The following CHEK1 variants were observed in gnomAD, a reference collection of about 807,000 sequenced individuals.
The protein encoded by CHEK1 is serine/threonine-protein kinase Chk1.
In CHEK1, 32 loss-of-function variants were observed where a neutral mutation model predicts 60.2. The ratio of observed to expected loss-of-function variants is 0.53; its 90% confidence interval spans 0.40 to 0.71. The LOEUF is 0.71. Among genes scored for constraint, CHEK1 ranks in the 30% least tolerant of loss-of-function variants. CHEK1 has a pLI of 0.00. For missense variants in CHEK1, 399 were observed against 564.6 expected (o/e 0.71, Z 2.97); for synonymous variants, 179 against 187.2 (o/e 0.96, Z 0.36).
In CHEK1 at chr11:125,644,654, T is replaced by C. The variant is rs551330465; in HGVS notation, c.1233+11T>C. 3.3e-5 allele frequency: 53 copies of C among 1,609,838 alleles called. No individual in the cohort carries two copies. Among genetic ancestry groups the C allele is most frequent in the Non-Finnish European group, 4.3e-5 (51 of 1,178,530 alleles). On this transcript the variant is annotated intron_variant, in intron 11 of 12. Transcript: ENST00000438015. ...AGTTGTATGAATCAGGTGTGTTTCA[T>C]TGATTTTCATTATACCTTTTCCTGA...
chr11:125,678,419 C>G, downstream of CHEK1: 6 of 1,138,132 alleles, frequency 5.3e-6, no homozygotes, highest in South Asian at 7.9e-5. Context: ...CTAGATTGGG[C>G]ACCTGAAGAC....
intron 5 of CHEK1, among the ~76,000 whole-genome samples, 168 bp from the exon 6 acceptor site, chr11:125,632,995 T>A (rs1940924353): frequency 6.6e-6 from 1 of 152,170 alleles, no homozygotes. Context: ...AGATGATGAT[T>A]TATTTTATTT....
At chr11:125,679,212 C>CTTTTTTTTTTTTTTTTTTTTT (rs1337479067), downstream of CHEK1, among the ~76,000 whole-genome samples, 1 of 74,418 alleles carries the variant, frequency 1.3e-5, no homozygotes, top group African/African-American at 4.6e-5. Context: ...TAATCCGTCT[C>CTTTTTTTTTTTTTTTTTTTTT]TTTCTTTTTT....
chr11:125,644,451 T>C (rs1415454506), intron 10 of CHEK1, 61 bp from the exon 11 acceptor site: 1 of 1,567,058 alleles, frequency 6.4e-7, no homozygotes, highest in Non-Finnish European at 8.6e-7. Flanking sequence ...ACTAAATAGC[T>C]ATGATATTAC....
chr11:125,645,421 T>C (rs533823402), intron 11 of CHEK1, among the ~76,000 whole-genome samples: 1 of 152,306 alleles, frequency 6.6e-6, no homozygotes, highest in Admixed American at 6.5e-5. Context: ...AAAAAAAATG[T>C]TAATGTCAAT....
At chr11:125,638,837 A>C (rs1812119622) in intron 8 of CHEK1, among the ~76,000 whole-genome samples, 1 of 152,114 alleles carries the variant, frequency 6.6e-6, no homozygotes, top group South Asian at 2.1e-4. Flanking sequence ...ATTTATTTGG[A>C]TCATCCTCCT....
intron 13 of CHEK1, among the ~76,000 whole-genome samples, chr11:125,673,925 G>A (rs1421225391): frequency 6.6e-6 from 1 of 152,106 alleles, no homozygotes; most frequent in Admixed American, 6.5e-5. Flanking sequence ...TTGGGAGGCC[G>A]AGGCAGGTGG....
chr11:125,680,764 A>T (rs1424406292), downstream of CHEK1: 10 of 1,613,856 alleles, frequency 6.2e-6, no homozygotes, highest in Non-Finnish European at 8.5e-6. Context: ...ACTCATTAGC[A>T]AGAGAAACCT....
downstream of CHEK1, among the ~76,000 whole-genome samples, chr11:125,679,649 C>A (rs1461520244): frequency 6.6e-6 from 1 of 152,180 alleles, no homozygotes; most frequent in Non-Finnish European, 1.5e-5. Context: ...AAGTAGACTA[C>A]AACAACCAAG....
rs1441256216 is a variant in CHEK1 at position 125,653,611 on chromosome 11, G to A, written c.1234-135G>A. The A allele has an allele frequency of 1.7e-6, 1 of 597,486 alleles. No homozygotes were observed. Among genetic ancestry groups the A allele is most frequent in the Non-Finnish European group, 2.9e-6 (1 of 341,134 alleles). The allele number at this position is 597,486 out of a possible 1,614,324, so 37.0% of individuals were successfully genotyped here. ...ATATAATTTCCTTTCCTTTGGATCAGTAGTGGGATTGCTGGAACATATAGG... is the reference window on the plus strand; with the variant it reads ...ATATAATTTCCTTTCCTTTGGATCAATAGTGGGATTGCTGGAACATATAGG... On this transcript the variant is annotated intron_variant, in intron 11 of 12. Transcript: ENST00000438015. This position sits in a 1 kb window ranked among gnomAD's most constrained non-coding sequence, Gnocchi z 4.3.
rs1941815987 is a variant in CHEK1, at chr11:125,653,858, G to A, written c.1335+11G>A. On this transcript the variant is annotated intron_variant, in intron 12 of 12. Transcript: ENST00000438015. The surrounding 1 kb of genome is among the most constrained non-coding windows in gnomAD (Gnocchi z 4.3). The stretch of plus-strand genomic sequence containing the variant: ...TTCCGGCTTTCTAAGGTATTTTTAT[G>A]TTTTATTGTATTCTTTCTATGGAAA... 7.1e-7 allele frequency: 1 copy of A among 1,406,632 alleles called. No individual in the cohort carries two copies. The highest frequency in any genetic ancestry group is 2.0e-5 in the Admixed American group (1 of 51,096). The allele number at this position is 1,406,632 out of a possible 1,614,324, so 87.1% of individuals were successfully genotyped here.
At chr11:125,678,306 G>A, downstream of CHEK1, 1 of 1,612,310 alleles carries the variant, frequency 6.2e-7, no homozygotes, top group Non-Finnish European at 8.5e-7. Context: ...TCCTGGGATG[G>A]AGAAGGAACA....
At chr11:125,661,569 C>A (rs1429330133), downstream of CHEK1, among the ~76,000 whole-genome samples, 2 of 152,158 alleles carry the variant, frequency 1.3e-5, no homozygotes, top group Admixed American at 6.5e-5. Context: ...GCCTTGGCCT[C>A]CTAAAGTACT....
Position 125,625,267 on chromosome 11 carries a change from T to C in CHEK1, c.-766T>C. On this transcript the variant is annotated 5_prime_UTR_variant, in exon 1 of 13. Transcript: ENST00000438015. ...AAAAAGACCGGGCTGAAGTAAAGCATTGTTTTGGAGCTGGTTCACAGAAAA... is the reference window on the plus strand; with the variant it reads ...AAAAAGACCGGGCTGAAGTAAAGCACTGTTTTGGAGCTGGTTCACAGAAAA... 4.3e-6 allele frequency: 1 copy of C among 232,284 alleles called. No homozygotes were observed. Among genetic ancestry groups the C allele is most frequent in the South Asian group, 1.8e-4 (1 of 5,590 alleles). The allele number at this position is 232,284 out of a possible 1,614,324, so 14.4% of individuals were successfully genotyped here.
At chr11:125,637,394 A>T in intron 7 of CHEK1, 55 bp from the exon 8 acceptor site, 1 of 1,445,288 alleles carries the variant, frequency 6.9e-7, no homozygotes, top group Non-Finnish European at 9.5e-7. Context: ...ACCTCAAGCC[A>T]TAGGCTTCTC....
At chr11:125,676,061 C>T (rs919127972) in exon 14 of CHEK1, 7 of 250,504 alleles carry the variant, frequency 2.8e-5, no homozygotes, top group Middle Eastern at 1.4e-3. Flanking sequence ...GTGCCCACCA[C>T]CACACCTGGC....
chr11:125,665,519 C>T (rs1359820535), intron 13 of CHEK1, among the ~76,000 whole-genome samples: 3 of 152,024 alleles, frequency 2.0e-5, no homozygotes, highest in African/African-American at 4.8e-5. Context: ...AGGATTCCCT[C>T]CTCTTCACTT....
chr11:125,643,561 C>G, intron 8 of CHEK1: 1 of 469,748 alleles, frequency 2.1e-6, no homozygotes, highest in African/African-American at 2.0e-5. Context: ...ACAGATCATA[C>G]TTAGGTATTG....
intron 6 of CHEK1, among the ~76,000 whole-genome samples, chr11:125,634,262 T>C (rs1394795116): frequency 1.3e-5 from 2 of 152,112 alleles, no homozygotes; most frequent in African/African-American, 4.8e-5. Context: ...CCCAAAGTGC[T>C]GTTTTTTGGG....
Sources: gnomAD v4.1 joint callset for allele counts (sites outside exome capture counted in the v4.1 genomes callset) on GRCh38, gnomAD v4.1.1 for gene constraint, Gnocchi (gnomAD v3.1) non-coding constraint, MANE v1.5 for transcripts, NCBI Gene and HGNC (gene_info 2026-07-23, HGNC 2026-07-21) for gene names.